CFB: variants seen among roughly 807,000 people sequenced by gnomAD.
The protein encoded by CFB is B-factor, properdin.
Under a neutral mutation model 97.2 loss-of-function variants are expected in CFB, and 59 were observed. The observed-to-expected ratio is 0.61, with a 90% CI of 0.49 to 0.75. The LOEUF (loss-of-function observed/expected upper bound fraction) is 0.75. Among genes scored for constraint, CFB ranks in the 30% least tolerant of loss-of-function variants. The pLI, the probability that CFB is intolerant of heterozygous loss-of-function variation, is 0.00. For synonymous variants in CFB, 316 were observed against 351.7 expected (o/e 0.90, Z 1.14); for missense variants, 771 against 959.8 (o/e 0.80, Z 2.60).
chr6:31,948,503 A>G lies in CFB; in HGVS notation c.1027A>G (p.Asn343Asp). ...DWVTKQLNEI[N>D]YEDHKLKSGT... ...GGTCACGAAGCAGCTCAATGAAATC[A>G]ATTATGAAGGTCAGAGGTTAGGGAA... is the stretch of plus-strand genomic sequence containing the variant. Residue 343 changes from asparagine to aspartate, a missense_variant, in exon 7 of 18, where the codon AAT becomes GAT. Asn to Asp is a conservative substitution (Grantham distance 23). Coordinates refer to ENST00000425368, the MANE Select transcript of CFB (RefSeq NM_001710.6). 6.2e-7 allele frequency: 1 copy of G among 1,614,114 alleles called. No homozygotes were observed. Among genetic ancestry groups the G allele is most frequent in the Non-Finnish European group, 8.5e-7 (1 of 1,180,034 alleles).
chr6:31,951,296 C>T lies in CFB; in HGVS notation c.1957-45C>T, dbSNP rs201323211. Reference sequence around the variant, plus strand: ...ACTCTAGGCCCCAATCCTTCCTAAGCCACTTCTGTTCATTACTTCTCCATG... The same window carrying T: ...ACTCTAGGCCCCAATCCTTCCTAAGTCACTTCTGTTCATTACTTCTCCATG... On this transcript the variant is annotated intron_variant, in intron 15 of 17. Transcript: ENST00000425368. This position sits in a 1 kb window ranked among gnomAD's most constrained non-coding sequence, Gnocchi z 4.3. The T allele has an allele frequency of 1.9e-4, 310 of 1,613,716 alleles. No individual in the cohort carries two copies. Among genetic ancestry groups the T allele is most frequent in the Non-Finnish European group, 2.5e-4 (294 of 1,180,024 alleles).
At chr6:31,950,240 T>A in intron 11 of CFB, 46 bp from the exon 12 acceptor site, 2 of 1,606,058 alleles carry the variant, frequency 1.2e-6, no homozygotes, top group Non-Finnish European at 1.7e-6. Context: ...TAAGAGATGG[T>A]GGTTTGTGAA....
chr6:31,949,245 T>C lies in CFB; in HGVS notation c.1171T>C (p.Leu391=). Reference sequence around the variant, plus strand: ...TCATGGTCCTGTCTCTTCTGCAGGATTGCACAACATGGGCGGGGACCCAAT... The same window carrying C: ...TCATGGTCCTGTCTCTTCTGCAGGACTGCACAACATGGGCGGGGACCCAAT... ...RHVIILMTDG[L]HNMGGDPITV... Residue 391 remains leucine (L), a splice_region_variant and synonymous_variant, in exon 9 of 18, where the codon TTG becomes CTG. Coordinates refer to ENST00000425368, the MANE Select transcript of CFB (RefSeq NM_001710.6). 6.2e-7 allele frequency: 1 copy of C among 1,614,086 alleles called. No homozygotes were observed. The highest frequency in any genetic ancestry group is 8.5e-7 in the Non-Finnish European group (1 of 1,179,986).
At position 31,950,100 on chromosome 6, in the gene CFB, G is replaced by A; in HGVS notation, c.1459G>A (p.Gly487Ser). 1 of 1,612,910 alleles carries A rather than the reference G, an allele frequency of 6.2e-7. No homozygotes were observed. Among genetic ancestry groups the A allele is most frequent in the East Asian group, 2.2e-5 (1 of 44,896 alleles). Residue 487 changes from glycine to serine, a missense_variant, in exon 11 of 18, where the codon GGT becomes AGT. Gly to Ser is a moderately conservative substitution (Grantham distance 56). Coordinates refer to ENST00000425368, the MANE Select transcript of CFB (RefSeq NM_001710.6). ...TGGCATGGTTTGGGAACACAGGAAG[G>A]GTACCGATTACCACAAGCAACCATG... ...LCGMVWEHRK[G>S]TDYHKQPWQA... is the part of the protein sequence containing the mutation.
Position 31,947,406 on chromosome 6 carries a change from C to T in CFB, c.543C>T (p.Tyr181=), listed in dbSNP as rs1771501514. 1.2e-6 allele frequency: 2 copies of T among 1,612,962 alleles called. No homozygotes were observed. Among genetic ancestry groups the T allele is most frequent in the South Asian group, 2.2e-5 (2 of 91,094 alleles). Residue 181 remains tyrosine, a synonymous_variant, in exon 4 of 18, where the codon TAC becomes TAT. Coordinates refer to ENST00000425368, the MANE Select transcript of CFB (RefSeq NM_001710.6). This position sits in a 1 kb window ranked among gnomAD's most constrained non-coding sequence, Gnocchi z 5.3. ...PIGTRKVGSQ[Y]RLEDSVTYHC... The stretch of plus-strand genomic sequence containing the variant: ...GCACAAGGAAGGTGGGCAGCCAGTA[C>T]CGCCTTGAAGACAGCGTCACCTACC...
At chr6:31,949,147 C>T (rs1284696265) in intron 8 of CFB, 96 bp from the exon 9 acceptor site, 3 of 1,447,168 alleles carry the variant, frequency 2.1e-6, no homozygotes, top group Admixed American at 1.8e-5. Flanking sequence ...CTATCTCTAA[C>T]CCTTCCTCAA....
rs748063426 is a variant in CFB at position 31,950,638 on chromosome 6, G to C, written c.1644G>C (p.Leu548=). The change falls in exon 13 of 18, where the codon CTG becomes CTC. Residue 548 remains leucine (L), a synonymous_variant. Transcript: ENST00000425368. ...CTTCAGGAGGGGAGAAGCGGGACCT[G>C]GAGATAGAAGTAGTCCTATTTCACC... The part of the protein sequence containing the change: ...KVSVGGEKRD[L]EIEVVLFHPN... The C allele has an allele frequency of 5.0e-6, 8 of 1,613,040 alleles. No homozygotes were observed. The highest frequency in any genetic ancestry group is 1.3e-5 in the African/African-American group (1 of 75,032).
chr6:31,947,232 A>G lies in CFB; in HGVS notation c.484+40A>G, dbSNP rs1178051927. On this transcript the variant is annotated intron_variant, in intron 3 of 17. Coordinates refer to ENST00000425368, the MANE Select transcript of CFB (RefSeq NM_001710.6). This position sits in a 1 kb window ranked among gnomAD's most constrained non-coding sequence, Gnocchi z 5.3. ...CTCCCCCTACATTGCTGTCTCCCTGACGGCGCCCAGCCCGAGGAGTGGGCA... is the reference window on the plus strand; with the variant it reads ...CTCCCCCTACATTGCTGTCTCCCTGGCGGCGCCCAGCCCGAGGAGTGGGCA... 1.2e-6 allele frequency: 2 copies of G among 1,611,706 alleles called. No individual in the cohort carries two copies. The highest frequency in any genetic ancestry group is 2.2e-5 in the East Asian group (1 of 44,864).
chr6:31,949,527 A>C lies in CFB; in HGVS notation c.1378A>C (p.Asn460His). The change falls in exon 10 of 18, where the codon AAC (asparagine) becomes CAC (histidine). Residue 460 changes from asparagine to histidine, a missense_variant. Coordinates refer to ENST00000425368, the MANE Select transcript of CFB (RefSeq NM_001710.6). ...QHVFKVKDME[N>H]LEDVFYQMID... ...TGTGTTCAAAGTCAAGGATATGGAA[A>C]ACCTGGAAGATGTTTTCTACCAAAT... 2 of 1,613,372 alleles carry C rather than the reference A, an allele frequency of 1.2e-6. No individual in the cohort carries two copies. Among genetic ancestry groups the C allele is most frequent in the Non-Finnish European group, 1.7e-6 (2 of 1,180,048 alleles).
chr6:31,948,367 C>G lies in CFB; in HGVS notation c.898-7C>G. ...ATGCCATGGCGCCTTGTTCTCCTCA[C>G]CCACAGGTGGCAAGTTATGGTGTGA... On this transcript the variant is annotated splice_polypyrimidine_tract_variant and splice_region_variant and intron_variant, in intron 6 of 17. Coordinates refer to ENST00000425368, the MANE Select transcript of CFB (RefSeq NM_001710.6). 6.2e-7 allele frequency: 1 copy of G among 1,614,224 alleles called. No homozygotes were observed. The highest frequency in any genetic ancestry group is 8.5e-7 in the Non-Finnish European group (1 of 1,180,040).
chr6:31,949,437 G>T lies in CFB; in HGVS notation c.1288G>T (p.Val430Phe). ...TCCCTCAGATGTCTATGTGTTTGGG[G>T]TCGGGCCTTTGGTGAACCAAGTGAA... ...EDYLDVYVFG[V>F]GPLVNQVNIN... Residue 430 changes from valine (V) to phenylalanine (F), a missense_variant, in exon 10 of 18, where the codon GTC (valine) becomes TTC (phenylalanine). Coordinates refer to ENST00000425368, the MANE Select transcript of CFB (RefSeq NM_001710.6). 6.2e-7 allele frequency: 1 copy of T among 1,614,186 alleles called. No individual in the cohort carries two copies. The highest frequency in any genetic ancestry group is 8.5e-7 in the Non-Finnish European group (1 of 1,180,050).
At position 31,947,964 on chromosome 6, in the gene CFB, G is replaced by A; in HGVS notation, c.780G>A (p.Lys260=). 1 of 1,614,216 alleles carries A rather than the reference G, an allele frequency of 6.2e-7. No individual in the cohort carries two copies. Among genetic ancestry groups the A allele is most frequent in the Non-Finnish European group, 8.5e-7 (1 of 1,180,040 alleles). ...ACCCAGGGGAACAACAGAAGCGGAAGATCGTCCTGGACCCTTCAGGCTCCA... is the reference window on the plus strand; with the variant it reads ...ACCCAGGGGAACAACAGAAGCGGAAAATCGTCCTGGACCCTTCAGGCTCCA... ...GHGPGEQQKR[K]IVLDPSGSMN... Residue 260 remains lysine, a synonymous_variant, in exon 6 of 18, where the codon AAG becomes AAA. Transcript: ENST00000425368. This position sits in a 1 kb window ranked among gnomAD's most constrained non-coding sequence, Gnocchi z 5.3.
Position 31,946,862 on chromosome 6 carries a change from T to C in CFB, c.299-145T>C, listed in dbSNP as rs1184612681. 2.3e-6 allele frequency: 2 copies of C among 868,842 alleles called. No homozygotes were observed. Among genetic ancestry groups the C allele is most frequent in the African/African-American group, 1.7e-5 (1 of 59,852 alleles). The allele number at this position is 868,842 out of a possible 1,614,324, so 53.8% of individuals were successfully genotyped here. Reference sequence around the variant, plus strand: ...GGGAGGGAGAAGCAGTGGAAATCCATATGGGTTGAGGAGTAGGTAAGATGC... The same window carrying C: ...GGGAGGGAGAAGCAGTGGAAATCCACATGGGTTGAGGAGTAGGTAAGATGC... On this transcript the variant is annotated intron_variant, in intron 2 of 17. Coordinates refer to ENST00000425368, the MANE Select transcript of CFB (RefSeq NM_001710.6). This position sits in a 1 kb window ranked among gnomAD's most constrained non-coding sequence, Gnocchi z 6.4.
chr6:31,948,442 C>G lies in CFB; in HGVS notation c.966C>G (p.Val322=), dbSNP rs149665489. Residue 322 remains valine (V), a synonymous_variant, in exon 7 of 18, where the codon GTC becomes GTG. Transcript: ENST00000425368. ...VTYATYPKIW[V]KVSEADSSNA... is the part of the protein sequence containing the mutation. ...ATGCCACATACCCCAAAATTTGGGT[C>G]AAAGTGTCTGAAGCAGACAGCAGTA... 13 of 1,614,044 alleles carry G rather than the reference C, an allele frequency of 8.1e-6. No homozygotes were observed. The highest frequency in any genetic ancestry group is 1.3e-5 in the African/African-American group (1 of 74,916).
Position 31,950,133 on chromosome 6 carries a change from A to G in CFB, c.1492A>G (p.Lys498Glu). 6.2e-7 allele frequency: 1 copy of G among 1,613,086 alleles called. No individual in the cohort carries two copies. Among genetic ancestry groups the G allele is most frequent in the African/African-American group, 1.3e-5 (1 of 75,060 alleles). Residue 498 changes from lysine (K) to glutamate (E), a missense_variant, in exon 11 of 18, where the codon AAG (lysine) becomes GAG (glutamate). Physicochemically the swap from Lys to Glu is moderately conservative, Grantham distance 56. Transcript: ENST00000425368. ...TDYHKQPWQA[K>E]ISVIRPSKGH... ...TTACCACAAGCAACCATGGCAGGCC[A>G]AGATCTCAGTCATTGTAAGCACAGA...
At position 31,947,051 on chromosome 6, in the gene CFB, T is replaced by C. The variant is rs770413685; in HGVS notation, c.343T>C (p.Trp115Arg). 1.9e-6 allele frequency: 3 copies of C among 1,612,996 alleles called. No homozygotes were observed. The Admixed American group carries it at 5.0e-5, about 27-fold the overall frequency. Residue 115 changes from tryptophan (W) to arginine (R), a missense_variant, in exon 3 of 18, where the codon TGG becomes CGG. Coordinates refer to ENST00000425368, the MANE Select transcript of CFB (RefSeq NM_001710.6). The surrounding 1 kb of genome is among the most constrained non-coding windows in gnomAD (Gnocchi z 5.3). Reference protein sequence around the residue: ...RPHDFENGEYWPRSPYYNVSD... With the variant: ...RPHDFENGEYRPRSPYYNVSD... The stretch of plus-strand genomic sequence containing the variant: ...ACACGACTTCGAGAACGGGGAATAC[T>C]GGCCCCGGTCTCCCTACTACAATGT...
Position 31,950,639 on chromosome 6 carries a change from G to C in CFB, c.1645G>C (p.Glu549Gln), listed in dbSNP as rs990231954. Residue 549 changes from glutamate to glutamine, a missense_variant, in exon 13 of 18, where the codon GAG becomes CAG. Glu to Gln is a conservative substitution (Grantham distance 29). Coordinates refer to ENST00000425368, the MANE Select transcript of CFB (RefSeq NM_001710.6). ...VSVGGEKRDL[E>Q]IEVVLFHPNY... Reference sequence around the variant, plus strand: ...TTCAGGAGGGGAGAAGCGGGACCTGGAGATAGAAGTAGTCCTATTTCACCC... The same window carrying C: ...TTCAGGAGGGGAGAAGCGGGACCTGCAGATAGAAGTAGTCCTATTTCACCC... The C allele has an allele frequency of 5.6e-6, 9 of 1,612,960 alleles. No homozygotes were observed. The highest frequency in any genetic ancestry group is 7.6e-6 in the Non-Finnish European group (9 of 1,180,044).
Position 31,948,084 on chromosome 6 carries a change from G to A in CFB, c.897+3G>A, listed in dbSNP as rs779470631. 1 of 1,614,034 alleles carries A rather than the reference G, an allele frequency of 6.2e-7. No homozygotes were observed. Among genetic ancestry groups the A allele is most frequent in the South Asian group, 1.1e-5 (1 of 91,064 alleles). On this transcript the variant is annotated splice_donor_region_variant and intron_variant, in intron 6 of 17. Transcript: ENST00000425368. ...GTCTAGTCAACTTAATTGAGAAGGT[G>A]GAATCCTCCTATCCCTGAACTCGGG...
chr6:31,949,862 C>T lies in CFB; in HGVS notation c.1409-188C>T. 5 of 724,810 alleles carry T rather than the reference C, an allele frequency of 6.9e-6. No individual in the cohort carries two copies. The Admixed American group carries it at 1.1e-4, about 16-fold the overall frequency. The allele number at this position is 724,810 out of a possible 1,614,324, so 44.9% of individuals were successfully genotyped here. A position where few individuals can be genotyped will look rare whatever the true frequency, so the allele number is the denominator to read the frequency against. Reference sequence around the variant, plus strand: ...TTGAAAACAGCCAGGCCTCTGACAGCTTGATCCCAAGTTCTTTCCCTTTTC... The same window carrying T: ...TTGAAAACAGCCAGGCCTCTGACAGTTTGATCCCAAGTTCTTTCCCTTTTC... On this transcript the variant is annotated intron_variant, in intron 10 of 17. Transcript: ENST00000425368.
Sources: gnomAD v4.1 joint callset for allele counts on GRCh38, gnomAD v4.1.1 for gene constraint, Gnocchi (gnomAD v3.1) non-coding constraint, MANE v1.5 for transcripts, NCBI Gene and HGNC (gene_info 2026-07-23, HGNC 2026-07-21) for gene names.